Variants in GREB1 observed in about 807,000 individuals in gnomAD.
GREB1 encodes protein GREB1.
A neutral mutation model predicts 200.7 loss-of-function variants in GREB1; 106 were observed. The observed-to-expected ratio is 0.53, with a 90% CI of 0.45 to 0.62. The LOEUF is 0.62. GREB1 is among the 20% of genes least tolerant of loss of function. The pLI is 0.00. For synonymous variants in GREB1, 1,132 were observed against 1,092.4 expected, an observed-to-expected ratio of 1.04 and a Z score of -0.72; for missense variants, 2,243 against 2,556.8, an observed-to-expected ratio of 0.88 and a Z score of 2.65.
At chr2:11,550,676 G>A (rs1675728426) in intron 1 of GREB1, among the ~76,000 whole-genome samples, 1 of 152,172 alleles carries the variant, frequency 6.6e-6, no homozygotes, top group Admixed American at 6.5e-5. Context: ...GTTCAGGACT[G>A]GGCTTGGAAA....
intron 19 of GREB1, among the ~76,000 whole-genome samples, chr2:11,614,479 A>G (rs1227124235): frequency 6.6e-6 from 1 of 152,092 alleles, no homozygotes; most frequent in Non-Finnish European, 1.5e-5. Context: ...TCAGAGCCTC[A>G]GAGAAGTTGT....
rs1676939756 is a variant in GREB1 at position 11,560,773 on chromosome 2, C to T, written c.158-1690C>T. Among the ~76,000 whole-genome samples the T allele has an allele frequency of 3.3e-5, 5 of 152,014 alleles. No individual in the cohort carries two copies. The South Asian group carries it at 1.0e-3, about 32-fold the overall frequency. ...GTGTTTAAGGATGTTCATAATGACC[C>T]TGTTCCCTGAAGAACTCTGTATGCT... On this transcript the variant is annotated intron_variant, in intron 2 of 32. Transcript: ENST00000381486.
rs780542633 is a variant in GREB1, at chr2:11,592,925, G to A, written c.1495G>A (p.Ala499Thr). 3 of 1,584,326 alleles carry A rather than the reference G, an allele frequency of 1.9e-6. No homozygotes were observed. The highest frequency in any genetic ancestry group is 1.7e-6 in the Non-Finnish European group (2 of 1,164,686). ...APSAAAPVTS[A>T]QLPWLASLAA... is the part of the protein sequence containing the mutation. ...CAGCGCCGCGGCACCCGTGACCTCC[G>A]CGCAGCTGCCCTGGCTGGCCAGCCT... The change falls in exon 11 of 33, where the codon GCG becomes ACG. Residue 499 changes from alanine to threonine, a missense_variant. Around this residue, in one of 3 missense-constraint regions of GREB1, gnomAD observed 1,178 missense variants for 1,387.4 expected, o/e 0.85. Transcript: ENST00000381486.
chr2:11,598,910 G>C (rs759747209), intron 15 of GREB1, 50 bp downstream of exon 15: 2 of 1,412,480 alleles, frequency 1.4e-6, no homozygotes, highest in African/African-American at 2.8e-5. Flanking sequence ...TCTTTGAAGT[G>C]ATGTATGTGG....
rs765831845 is a variant in GREB1, at chr2:11,637,788, G to A, written c.5419G>A (p.Ala1807Thr). The change falls in exon 31 of 33, where the codon GCA becomes ACA. Residue 1807 changes from alanine (A) to threonine (T), a missense_variant. By Grantham distance (58) the Ala-to-Thr change is moderately conservative. This residue lies in a region of GREB1 where 478 missense variants were observed against 616.3 expected (regional missense o/e 0.78). Transcript: ENST00000381486. ...CAPDSKHTFL[A>T]APAQLLLEKF... ...CCCGGACAGCAAGCACACGTTCCTC[G>A]CAGCGCCCGCCCAGCTCCTGCTGGA... 31 of 1,614,028 alleles carry A rather than the reference G, an allele frequency of 1.9e-5. No individual in the cohort carries two copies. Among genetic ancestry groups the A allele is most frequent in the Admixed American group, 6.7e-5 (4 of 60,014 alleles).
In GREB1 at chr2:11,493,812, T is replaced by G. The variant is rs985834121; in HGVS notation, c.-159+11431T>G. 1.3e-5 allele frequency among the ~76,000 whole-genome samples: 2 copies of G among 152,204 alleles called. No homozygotes were observed. Among genetic ancestry groups the G allele is most frequent in the African/African-American group, 2.4e-5 (1 of 41,444 alleles). ...GGCACATGAGGTATAAGTTGCAAAC[T>G]CTGACCTCTGGGGGCAATTTGTAAA... On this transcript the variant is annotated intron_variant, in intron 1 of 2. Transcript: ENST00000628795. The surrounding 1 kb of genome is among the most constrained non-coding windows in gnomAD (Gnocchi z 4.6).
rs534384782 is a variant in GREB1, at chr2:11,622,943, C to T, written c.4147+1936C>T. Among the ~76,000 whole-genome samples, 6 of 152,320 alleles carry T rather than the reference C, an allele frequency of 3.9e-5. No homozygotes were observed. The South Asian group carries it at 1.2e-3, about 32-fold the overall frequency. On this transcript the variant is annotated intron_variant, in intron 23 of 32. Coordinates refer to ENST00000381486, the MANE Select transcript of GREB1 (RefSeq NM_014668.4). ...TAGCTCTGAATGCACATTCTTGCCT[C>T]ATTAGAACATTCCTGAAAATGGAAT...
intron 2 of GREB1, among the ~76,000 whole-genome samples, chr2:11,558,654 T>G (rs1676675688): frequency 6.6e-6 from 1 of 152,338 alleles, no homozygotes; most frequent in African/African-American, 2.4e-5. Flanking sequence ...GTTTGCTAAA[T>G]GTTACCCTAA....
chr2:11,552,881 ACG>A (rs1558533596), intron 1 of GREB1, among the ~76,000 whole-genome samples: 4 of 151,956 alleles, frequency 2.6e-5, no homozygotes, highest in East Asian at 1.9e-4. Context: ...ATGGTGGCGC[ACG>A]CCTGTAGTCC....
chr2:11,622,281 A>G (rs947739721), intron 23 of GREB1, among the ~76,000 whole-genome samples: 2 of 152,138 alleles, frequency 1.3e-5, no homozygotes, highest in Non-Finnish European at 2.9e-5. Flanking sequence ...GGGTTTCACC[A>G]TGTTGGCCAG....
intron 1 of GREB1, among the ~76,000 whole-genome samples, chr2:11,528,976 T>G (rs942777562): frequency 5.9e-5 from 9 of 152,234 alleles, no homozygotes; most frequent in Non-Finnish European, 1.3e-4. Context: ...AGAGAAGACT[T>G]TATTTTCTCC....
intron 1 of GREB1, among the ~76,000 whole-genome samples, chr2:11,496,569 C>T (rs956547805): frequency 5.0e-4 from 62 of 124,716 alleles, no homozygotes; most frequent in Non-Finnish European, 5.5e-4. Flanking sequence ...GATGAAAGGA[C>T]GCTCTGCTTC....
Position 11,613,745 on chromosome 2 carries a change from C to T in GREB1, c.3122+1135C>T, listed in dbSNP as rs563046042. Among the ~76,000 whole-genome samples, 22 of 152,296 alleles carry T rather than the reference C, an allele frequency of 1.4e-4. No homozygotes were observed. In the South Asian group the frequency reaches 4.6e-3, roughly 32 times the overall value. On this transcript the variant is annotated intron_variant, in intron 19 of 32. Coordinates refer to ENST00000381486, the MANE Select transcript of GREB1 (RefSeq NM_014668.4). ...CAAGCATTTGCTGAATACCAGGTAC[C>T]TTCTGGTACCTTCTTTGTACCAGGC...
Position 11,638,822 on chromosome 2 carries a change from C to T in GREB1, c.5686+13C>T, listed in dbSNP as rs753527114. 15 of 1,613,294 alleles carry T rather than the reference C, an allele frequency of 9.3e-6. No homozygotes were observed. Among genetic ancestry groups the T allele is most frequent in the Non-Finnish European group, 1.2e-5 (14 of 1,179,668 alleles). Reference sequence around the variant, plus strand: ...CATTTTCTGAAAGGTAACTTTTGTACTCTTAACTCTGCACCTTGTCTTCAA... The same window carrying T: ...CATTTTCTGAAAGGTAACTTTTGTATTCTTAACTCTGCACCTTGTCTTCAA... On this transcript the variant is annotated intron_variant, in intron 32 of 32. Transcript: ENST00000381486.
rs1172642092 is a variant in GREB1 at position 11,632,041 on chromosome 2, G to C, written c.4744G>C (p.Ala1582Pro). 1 of 1,614,038 alleles carries C rather than the reference G, an allele frequency of 6.2e-7. No homozygotes were observed. The highest frequency in any genetic ancestry group is 1.7e-5 in the Admixed American group (1 of 60,014). The change falls in exon 27 of 33, where the codon GCA becomes CCA. Residue 1582 changes from alanine to proline, a missense_variant. Physicochemically the swap from Ala to Pro is conservative, Grantham distance 27. Coordinates refer to ENST00000381486, the MANE Select transcript of GREB1 (RefSeq NM_014668.4). Reference sequence around the variant, plus strand: ...GCTGGTTGTCAAGGAATACGAGATGGCAATTTATAAGAAATATTGGCCCAA... The same window carrying C: ...GCTGGTTGTCAAGGAATACGAGATGCCAATTTATAAGAAATATTGGCCCAA... ...HVLVVKEYEMAIYKKYWPNHI... is the reference protein window; with the variant it reads ...HVLVVKEYEMPIYKKYWPNHI...
chr2:11,557,380 A>G (rs886763819), intron 2 of GREB1, among the ~76,000 whole-genome samples: 1 of 152,238 alleles, frequency 6.6e-6, no homozygotes, highest in Non-Finnish European at 1.5e-5. Flanking sequence ...TAGCTCTGTT[A>G]TGGAAGTTCT....
chr2:11,524,015 TCA>T (rs1673788840), intron 1 of GREB1, among the ~76,000 whole-genome samples: 1 of 151,986 alleles, frequency 6.6e-6, no homozygotes, highest in African/African-American at 2.4e-5. Flanking sequence ...TCACAGTGTA[TCA>T]TGTCTGAAGA....
chr2:11,566,041 T>G (rs1677611693), intron 3 of GREB1, among the ~76,000 whole-genome samples: 1 of 135,604 alleles, frequency 7.4e-6, no homozygotes, highest in African/African-American at 3.3e-5. Flanking sequence ...ATATATGAGA[T>G]GGAGTCTCAC....
At chr2:11,544,791 C>T (rs1675107301) in intron 1 of GREB1, among the ~76,000 whole-genome samples, 1 of 152,102 alleles carries the variant, frequency 6.6e-6, no homozygotes, top group South Asian at 2.1e-4. Context: ...CTGCAGGCCA[C>T]ATTCTTAGAA....
Sources: gnomAD v4.1 joint callset for allele counts (sites outside exome capture counted in the v4.1 genomes callset) on GRCh38, gnomAD v4.1.1 for gene constraint, gnomAD v4.1.1 regional missense constraint, Gnocchi (gnomAD v3.1) non-coding constraint, MANE v1.5 for transcripts, NCBI Gene and HGNC (gene_info 2026-07-23, HGNC 2026-07-21) for gene names.